The following DHRS3 variants were observed in gnomAD, a reference collection of about 807,000 sequenced individuals.
DHRS3 encodes short-chain dehydrogenase/reductase 3.
Under a neutral mutation model 27.2 loss-of-function variants are expected in DHRS3, and 14 were observed. That is an observed-to-expected ratio of 0.52 (90% CI 0.34 to 0.81). The LOEUF (loss-of-function observed/expected upper bound fraction) is 0.81, where lower values mean the gene tolerates loss of function less well. Among genes scored for constraint, DHRS3 ranks in the 30% least tolerant of loss-of-function variants. The pLI, the probability that DHRS3 is intolerant of heterozygous loss-of-function variation, is 0.01. For synonymous variants in DHRS3, 165 were observed against 175.9 expected (o/e 0.94, Z 0.49); for missense variants, 322 against 406.2 (o/e 0.79, Z 1.78).
At chr1:12,584,737 G>GAA (rs1302775844) in intron 1 of DHRS3, among the ~76,000 whole-genome samples, 17 of 152,192 alleles carry the variant, frequency 1.1e-4, no homozygotes, top group Admixed American at 6.5e-4. Flanking sequence ...CCGGGCCTTG[G>GAA]GTGAGGAGCA....
Position 12,617,144 on chromosome 1 carries a change from T to C in DHRS3, c.195+10A>G. 7 of 1,607,192 alleles carry C rather than the reference T, an allele frequency of 4.4e-6. No homozygotes were observed. In the South Asian group the frequency reaches 7.7e-5, roughly 18 times the overall value. ...GGCCCCCCACTCCCTGGAGTCGCAG[T>C]GCCTGGTACCTTTCTGGCGCCGCGC... On this transcript the variant is annotated intron_variant, in intron 1 of 5. Coordinates refer to ENST00000616661, the MANE Select transcript of DHRS3 (RefSeq NM_004753.7).
intron 1 of DHRS3, among the ~76,000 whole-genome samples, chr1:12,599,215 C>T (rs773910348): frequency 2.4e-4 from 36 of 152,246 alleles, no homozygotes; most frequent in Non-Finnish European, 4.6e-4. Flanking sequence ...TGCTATCAGG[C>T]TGTGGCTCTG....
rs1451418326 is a variant in DHRS3 at position 12,617,484 on chromosome 1, A to C, written c.-136T>G. ...GTCCCACCTGGCCACTCTTGAAATCACCTCTTCCCAAATGCAAAGCACCGG... is the reference window on the plus strand; with the variant it reads ...GTCCCACCTGGCCACTCTTGAAATCCCCTCTTCCCAAATGCAAAGCACCGG... On this transcript the variant is annotated 5_prime_UTR_variant, in exon 1 of 6. Transcript: ENST00000616661. 1 of 502,716 alleles carries C rather than the reference A, an allele frequency of 2.0e-6. No homozygotes were observed. The allele number at this position is 502,716 out of a possible 1,614,324, so 31.1% of individuals were successfully genotyped here.
intron 1 of DHRS3, among the ~76,000 whole-genome samples, chr1:12,599,099 G>C (rs1380353587): frequency 2.6e-5 from 4 of 152,250 alleles, no homozygotes; most frequent in African/African-American, 9.6e-5. Flanking sequence ...CTTGCAAGCT[G>C]TGCCAAGGTA....
chr1:12,582,404 T>C (rs1406301910), intron 1 of DHRS3, among the ~76,000 whole-genome samples: 1 of 152,190 alleles, frequency 6.6e-6, no homozygotes, highest in African/African-American at 2.4e-5. Context: ...GTCTAGCCAC[T>C]TTATTTTAAT....
In DHRS3 at chr1:12,592,283, A is replaced by C. The variant is rs1646753324; in HGVS notation, c.196-11617T>G. Among the ~76,000 whole-genome samples, 1 of 152,154 alleles carries C rather than the reference A, an allele frequency of 6.6e-6. No individual in the cohort carries two copies. Among genetic ancestry groups the C allele is most frequent in the South Asian group, 2.1e-4 (1 of 4,834 alleles). ...CCCTGAGAAGCTGAGTCCAAGTCCT[A>C]ACCCTTGGTACCTGTGAATGTGACC... is the stretch of plus-strand genomic sequence containing the variant. On this transcript the variant is annotated intron_variant, in intron 1 of 5. Coordinates refer to ENST00000616661, the MANE Select transcript of DHRS3 (RefSeq NM_004753.7). This position sits in a 1 kb window ranked among gnomAD's most constrained non-coding sequence, Gnocchi z 4.2.
intron 5 of DHRS3, among the ~76,000 whole-genome samples, chr1:12,570,417 G>C (rs1185696382): frequency 6.6e-6 from 1 of 152,196 alleles, no homozygotes; most frequent in African/African-American, 2.4e-5. Flanking sequence ...CAAACTGAAG[G>C]GTCCTGGCCC....
intron 1 of DHRS3, among the ~76,000 whole-genome samples, chr1:12,588,903 C>T (rs1646721943): frequency 6.6e-6 from 1 of 152,246 alleles, no homozygotes; most frequent in African/African-American, 2.4e-5. Context: ...GCTCATGTCC[C>T]ATGGGCCCCA....
chr1:12,588,304 A>G (rs924289919), intron 1 of DHRS3, among the ~76,000 whole-genome samples: 4 of 152,232 alleles, frequency 2.6e-5, no homozygotes, highest in Non-Finnish European at 5.9e-5. Context: ...GCCATGGGCC[A>G]GACACTGTGC....
rs1646758057 is a variant in DHRS3 at position 12,592,884 on chromosome 1, T to G, written c.196-12218A>C. On this transcript the variant is annotated intron_variant, in intron 1 of 5. Coordinates refer to ENST00000616661, the MANE Select transcript of DHRS3 (RefSeq NM_004753.7). The surrounding 1 kb of genome is among the most constrained non-coding windows in gnomAD (Gnocchi z 4.2). Reference sequence around the variant, plus strand: ...TCCCACATTAAGTGTTTTCTCTCACTGTATGCCCACTCCACCACGCACCCT... The same window carrying G: ...TCCCACATTAAGTGTTTTCTCTCACGGTATGCCCACTCCACCACGCACCCT... Among the ~76,000 whole-genome samples, 1 of 152,190 alleles carries G rather than the reference T, an allele frequency of 6.6e-6. No individual in the cohort carries two copies. The highest frequency in any genetic ancestry group is 2.1e-4 in the South Asian group (1 of 4,830).
chr1:12,616,479 A>C (rs2100733630), intron 1 of DHRS3: 530 of 745,364 alleles, frequency 7.1e-4, no homozygotes, highest in Non-Finnish European at 7.9e-4. Context: ...CTAAATGGGG[A>C]GGGATCCCTG....
intron 1 of DHRS3, among the ~76,000 whole-genome samples, chr1:12,607,368 G>A (rs970637901): frequency 3.3e-5 from 5 of 152,202 alleles, no homozygotes; most frequent in Non-Finnish European, 5.9e-5. Flanking sequence ...CCAAGGGAGA[G>A]ATGAGGTGGC....
intron 1 of DHRS3, among the ~76,000 whole-genome samples, chr1:12,583,457 TATCC>T (rs1340427926): frequency 9.9e-6 from 1 of 100,540 alleles, no homozygotes; most frequent in Admixed American, 1.1e-4. Context: ...CTCACCTACT[TATCC>T]ATCCATCCAT....
chr1:12,579,674 C>T (rs1646626738), intron 2 of DHRS3: 1 of 360,642 alleles, frequency 2.8e-6, no homozygotes, highest in South Asian at 2.7e-5. Flanking sequence ...TGGGGTTTCA[C>T]CATGTTGGCC....
chr1:12,573,960 G>A (rs1646563348), intron 4 of DHRS3, among the ~76,000 whole-genome samples: 1 of 152,072 alleles, frequency 6.6e-6, no homozygotes, highest in African/African-American at 2.4e-5. Flanking sequence ...ATAGGTGCAG[G>A]GCTCATGTTG....
intron 1 of DHRS3, chr1:12,616,738 A>G (rs1321812055): frequency 2.2e-5 from 22 of 1,008,752 alleles, no homozygotes; most frequent in Admixed American, 5.7e-5. Flanking sequence ...GGAAAATACG[A>G]GGCGCCAGCT....
intron 1 of DHRS3, among the ~76,000 whole-genome samples, chr1:12,609,952 C>T (rs185015294): frequency 3.3e-5 from 5 of 152,266 alleles, no homozygotes; most frequent in Admixed American, 6.5e-5. Context: ...GGTCTTTCCT[C>T]GTGTCTCCTT....
chr1:12,577,793 A>G (rs1646603656), intron 4 of DHRS3, among the ~76,000 whole-genome samples: 2 of 152,256 alleles, frequency 1.3e-5, no homozygotes, highest in African/African-American at 4.8e-5. Context: ...ACTGCACTCC[A>G]GCCTGGGCAA....
chr1:12,602,336 T>A (rs559816900), intron 1 of DHRS3, among the ~76,000 whole-genome samples: 1 of 151,408 alleles, frequency 6.6e-6, no homozygotes, highest in East Asian at 2.0e-4. Context: ...ACGGGTCATC[T>A]CAACAGAGGT....
Sources: gnomAD v4.1 joint callset for allele counts (sites outside exome capture counted in the v4.1 genomes callset) on GRCh38, gnomAD v4.1.1 for gene constraint, Gnocchi (gnomAD v3.1) non-coding constraint, MANE v1.5 for transcripts, NCBI Gene and HGNC (gene_info 2026-07-23, HGNC 2026-07-21) for gene names.